The following THSD7B variants were observed in gnomAD, a reference collection of about 807,000 sequenced individuals.
THSD7B encodes thrombospondin type 1 domain containing 7B.
Under a neutral mutation model 213.6 loss-of-function variants are expected in THSD7B, and 138 were observed. The ratio of observed to expected loss-of-function variants is 0.65; its 90% CI spans 0.56 to 0.74. THSD7B has a LOEUF of 0.74. Among genes scored for constraint, THSD7B ranks in the 30% least tolerant of loss-of-function variants. The probability of loss-of-function intolerance (pLI) is 0.00; values close to 1 mark genes in which losing one functional copy is unlikely to be tolerated. For synonymous variants in THSD7B, 742 were observed against 687.0 expected, an observed-to-expected ratio of 1.08 and a Z score of -1.25; for missense variants, 1,931 against 1,991.5, an observed-to-expected ratio of 0.97 and a Z score of 0.58.
At chr2:136,914,979 T>A (rs1684327607) in intron 2 of THSD7B, among the ~76,000 whole-genome samples, 1 of 152,208 alleles carries the variant, frequency 6.6e-6, no homozygotes, top group Admixed American at 6.5e-5. Flanking sequence ...AATGAAATTT[T>A]AAAGATGGCA....
intron 12 of THSD7B, among the ~76,000 whole-genome samples, chr2:137,381,645 A>T (rs533263696): frequency 6.6e-6 from 1 of 152,244 alleles, no homozygotes; most frequent in East Asian, 1.9e-4. Flanking sequence ...TGGGGCCTCA[A>T]TGAGTGACAC....
chr2:137,657,098 G>C lies in THSD7B; in HGVS notation c.4313G>C (p.Ser1438Thr), dbSNP rs186829450. 3.7e-6 allele frequency: 6 copies of C among 1,613,996 alleles called. No homozygotes were observed. The African/African-American group carries it at 6.7e-5, about 18-fold the overall frequency. The change falls in exon 24 of 28, where the codon AGT becomes ACT. Residue 1438 changes from serine to threonine, a missense_variant. By Grantham distance (58) the Ser-to-Thr change is moderately conservative. Transcript: ENST00000409968. ...TGTTATCACTACACATGGAAAGCAA[G>C]TCTTTGGAACAATAACGAACGAACT... The part of the protein sequence containing the change: ...GKCYHYTWKA[S>T]LWNNNERTVW...
chr2:137,512,251 A>G (rs1432460543), intron 15 of THSD7B: 1 of 152,152 alleles, frequency 6.6e-6, no homozygotes, highest in Non-Finnish European at 1.5e-5. Flanking sequence ...GTAATCACCC[A>G]CATTTTCTAT....
chr2:137,661,485 G>A lies in THSD7B; in HGVS notation c.4458+1739G>A, dbSNP rs529396957. Among the ~76,000 whole-genome samples the A allele has an allele frequency of 4.6e-5, 7 of 151,804 alleles. No homozygotes were observed. The East Asian group carries it at 1.4e-3, about 30-fold the overall frequency. ...CTTGAGTGCAGAAGTAAGCCTACAA[G>A]CAGAGACGTAGTTTGACATGGTTAT... is the stretch of plus-strand genomic sequence containing the variant. On this transcript the variant is annotated intron_variant, in intron 25 of 27. Transcript: ENST00000409968.
chr2:137,543,143 C>T (rs1260157467), intron 15 of THSD7B, among the ~76,000 whole-genome samples: 3 of 151,726 alleles, frequency 2.0e-5, no homozygotes, highest in Non-Finnish European at 4.4e-5. Flanking sequence ...TTTTCACACC[C>T]GCTTCTCCTG....
chr2:137,242,378 G>C, intron 9 of THSD7B, 79 bp from the exon 10 acceptor site: 1 of 1,080,320 alleles, frequency 9.3e-7, no homozygotes, highest in South Asian at 1.4e-5. Context: ...TAATATTTTC[G>C]GTTCTAAAAT....
intron 1 of THSD7B, among the ~76,000 whole-genome samples, chr2:136,851,511 C>G (rs1319608871): frequency 6.6e-6 from 1 of 152,102 alleles, no homozygotes; most frequent in Non-Finnish European, 1.5e-5. Context: ...GGTCTTGTTG[C>G]AAATGAAATT....
intron 5 of THSD7B, among the ~76,000 whole-genome samples, chr2:137,115,670 T>C (rs763509754): frequency 6.6e-6 from 1 of 152,194 alleles, no homozygotes; most frequent in African/African-American, 2.4e-5. Flanking sequence ...TGTGAATTTT[T>C]GAATGTGGAA....
At chr2:137,252,296 G>T (rs1386817546) in intron 10 of THSD7B, among the ~76,000 whole-genome samples, 1 of 146,594 alleles carries the variant, frequency 6.8e-6, no homozygotes, top group South Asian at 2.2e-4. Flanking sequence ...AAAAACAAAG[G>T]GTTGGGGGGC....
intron 2 of THSD7B, among the ~76,000 whole-genome samples, chr2:137,055,773 T>C (rs1205523547): frequency 6.6e-6 from 1 of 152,228 alleles, no homozygotes; most frequent in African/African-American, 2.4e-5. Context: ...GCTTCTCTTA[T>C]TACCTTACCT....
intron 16 of THSD7B, among the ~76,000 whole-genome samples, chr2:137,563,601 C>T (rs989077113): frequency 3.3e-5 from 5 of 152,154 alleles, no homozygotes; most frequent in African/African-American, 4.8e-5. Flanking sequence ...GCGAGAACCA[C>T]CTGCAATGGA....
At chr2:137,228,404 A>G (rs1681562816) in intron 7 of THSD7B, among the ~76,000 whole-genome samples, 1 of 152,138 alleles carries the variant, frequency 6.6e-6, no homozygotes, top group Non-Finnish European at 1.5e-5. Flanking sequence ...ACTGACAACA[A>G]TGAATGTAAT....
intron 3 of THSD7B, among the ~76,000 whole-genome samples, chr2:137,094,255 T>C (rs1267489254): frequency 3.3e-5 from 5 of 152,148 alleles, no homozygotes; most frequent in Non-Finnish European, 1.5e-5. Context: ...ATGGTAATAG[T>C]AGGCTAACAC....
At chr2:136,943,563 G>A (rs1338806463) in intron 2 of THSD7B, among the ~76,000 whole-genome samples, 1 of 152,142 alleles carries the variant, frequency 6.6e-6, no homozygotes, top group East Asian at 1.9e-4. Context: ...TTCAAAGCCT[G>A]TTATTGGTCT....
At chr2:136,807,475 A>T (rs1682301947) in intron 1 of THSD7B, among the ~76,000 whole-genome samples, 1 of 145,342 alleles carries the variant, frequency 6.9e-6, no homozygotes. Context: ...TGTTTTTGAG[A>T]ATTTCCTTAC....
chr2:137,613,715 T>G (rs1682329415), intron 17 of THSD7B, among the ~76,000 whole-genome samples: 1 of 152,172 alleles, frequency 6.6e-6, no homozygotes, highest in South Asian at 2.1e-4. Flanking sequence ...ATTACTCTAG[T>G]GAAGAGAAGA....
At chr2:137,259,791 C>A (rs1682398471) in intron 10 of THSD7B, among the ~76,000 whole-genome samples, 2 of 152,166 alleles carry the variant, frequency 1.3e-5, no homozygotes, top group South Asian at 2.1e-4. Flanking sequence ...GGAATAATTT[C>A]TTTTGTTTGG....
rs1021513909 is a variant in THSD7B at position 137,312,072 on chromosome 2, G to A, written c.2500+36046G>A. 5.3e-5 allele frequency among the ~76,000 whole-genome samples: 8 copies of A among 151,114 alleles called. 1 individual carries two copies. Among genetic ancestry groups the A allele is most frequent in the Admixed American group, 3.9e-4 (6 of 15,190 alleles). On this transcript the variant is annotated intron_variant, in intron 12 of 27. Coordinates refer to ENST00000409968, the MANE Select transcript of THSD7B (RefSeq NM_001316349.2). ...TTTTCTGTTGATTGGAATAGTTTCA[G>A]AAGGAATGGTACCAGTTCCTCCTTG...
At chr2:137,489,671 T>C (rs931078412) in intron 15 of THSD7B, among the ~76,000 whole-genome samples, 1 of 152,176 alleles carries the variant, frequency 6.6e-6, no homozygotes, top group Non-Finnish European at 1.5e-5. Context: ...TTAATTATAA[T>C]TTGAATGATT....
Sources: gnomAD v4.1 joint callset for allele counts (sites outside exome capture counted in the v4.1 genomes callset) on GRCh38, gnomAD v4.1.1 for gene constraint, MANE v1.5 for transcripts, NCBI Gene and HGNC (gene_info 2026-07-23, HGNC 2026-07-21) for gene names.